Variants in RGL1 observed in about 807,000 individuals in gnomAD.
RGL1 encodes the protein ral guanine nucleotide dissociation stimulator like 1, also known as ral guanine nucleotide dissociation stimulator-like 1.
In RGL1, 24 loss-of-function variants were observed where a neutral mutation model predicts 95.2. The ratio of observed to expected loss-of-function variants is 0.25; its 90% CI spans 0.18 to 0.35. RGL1 has a LOEUF of 0.35. Ranked by LOEUF, RGL1 falls within the 10% of genes least tolerant of loss-of-function variation. The pLI is 1.00. For synonymous variants in RGL1, 329 were observed against 344.9 expected (o/e 0.95, Z 0.51); for missense variants, 715 against 936.3 (o/e 0.76, Z 3.08).
chr1:183,660,856 T>C (rs1346665505), intron 1 of RGL1, among the ~76,000 whole-genome samples: 2 of 152,104 alleles, frequency 1.3e-5, no homozygotes, highest in African/African-American at 4.8e-5. Flanking sequence ...TAACAAACTG[T>C]CTCTCAGACC....
intron 14 of RGL1, among the ~76,000 whole-genome samples, chr1:183,909,891 G>A (rs1668545980): frequency 6.6e-6 from 1 of 152,088 alleles, no homozygotes; most frequent in South Asian, 2.1e-4. Context: ...GTCTGAGAAA[G>A]TCTTTATTTT....
chr1:183,857,073 G>A (rs1345017406), intron 3 of RGL1, among the ~76,000 whole-genome samples: 1 of 152,174 alleles, frequency 6.6e-6, no homozygotes, highest in Non-Finnish European at 1.5e-5. Flanking sequence ...TATAAAATAA[G>A]GAGATTATCT....
chr1:183,695,331 T>G (rs1429869754), intron 1 of RGL1, among the ~76,000 whole-genome samples: 1 of 152,240 alleles, frequency 6.6e-6, no homozygotes, highest in African/African-American at 2.4e-5. Context: ...ATTTTCTAAT[T>G]GGTCTAGTTA....
intron 1 of RGL1, among the ~76,000 whole-genome samples, chr1:183,658,073 T>C (rs1572234710): frequency 6.6e-6 from 1 of 152,174 alleles, no homozygotes; most frequent in Non-Finnish European, 1.5e-5. Context: ...TTTTCGGGGG[T>C]GGAGCCGAGA....
rs144783731 is a variant in RGL1 at position 183,770,937 on chromosome 1, ACTCC to A, written c.132+28658_132+28661del. ...TTCAGTGTTAGAACCACTCATCTCT[ACTCC>A]CTCCCTCCCCTGTGGATGAGGTGGT... On this transcript the variant is annotated intron_variant, in intron 2 of 18. Transcript: ENST00000304685. Among the ~76,000 whole-genome samples the A allele has an allele frequency of 5.9e-5, 9 of 151,604 alleles. No individual in the cohort carries two copies. The East Asian group carries it at 1.7e-3, about 29-fold the overall frequency.
intron 1 of RGL1, among the ~76,000 whole-genome samples, chr1:183,662,606 G>A (rs2102029086): frequency 6.6e-6 from 1 of 152,260 alleles, no homozygotes; most frequent in South Asian, 2.1e-4. Context: ...TGGGTAGGAA[G>A]AATCAATATC....
At chr1:183,700,892 C>G (rs1292804633) in intron 1 of RGL1, among the ~76,000 whole-genome samples, 16 of 152,084 alleles carry the variant, frequency 1.1e-4, no homozygotes, top group Non-Finnish European at 1.5e-5. Context: ...TGTCCTAATG[C>G]TCTCCCTTTC....
chr1:183,776,618 G>A (rs1330341655), intron 2 of RGL1, among the ~76,000 whole-genome samples: 1 of 152,214 alleles, frequency 6.6e-6, no homozygotes, highest in Admixed American at 6.5e-5. Flanking sequence ...GAATGAACAG[G>A]AGTGAGGGAT....
intron 1 of RGL1, among the ~76,000 whole-genome samples, chr1:183,734,459 T>A (rs1656812192): frequency 6.6e-6 from 1 of 152,190 alleles, no homozygotes; most frequent in Non-Finnish European, 1.5e-5. Flanking sequence ...GTATCTGGTG[T>A]AGTAAATATT....
intron 1 of RGL1, among the ~76,000 whole-genome samples, chr1:183,695,467 A>G (rs190573486): frequency 6.6e-6 from 1 of 152,328 alleles, no homozygotes; most frequent in East Asian, 1.9e-4. Context: ...ACCAGGTTTC[A>G]GAGAATTTAT....
chr1:183,850,589 A>T (rs1185737489), intron 3 of RGL1, among the ~76,000 whole-genome samples: 2 of 152,178 alleles, frequency 1.3e-5, no homozygotes, highest in African/African-American at 4.8e-5. Flanking sequence ...CTGGATTATG[A>T]TACTTTGAGC....
At chr1:183,731,709 G>A (rs530023425) in intron 1 of RGL1, among the ~76,000 whole-genome samples, 6 of 152,250 alleles carry the variant, frequency 3.9e-5, no homozygotes, top group Non-Finnish European at 8.8e-5. Context: ...GTGACCTTGG[G>A]CAATTCACTT....
intron 1 of RGL1, among the ~76,000 whole-genome samples, chr1:183,707,115 C>T (rs759926072): frequency 3.3e-5 from 5 of 152,136 alleles, no homozygotes; most frequent in Non-Finnish European, 5.9e-5. Flanking sequence ...ATGGCGGCGT[C>T]CAGGGGCCCT....
In RGL1 at chr1:183,830,915, A is replaced by T. The variant is rs531412206; in HGVS notation, c.139-16651A>T. ...GGAGTTTCGCATGCATTGAATTCAGATTTAAAAATAATATGCAATTTACTT... is the reference window on the plus strand; with the variant it reads ...GGAGTTTCGCATGCATTGAATTCAGTTTTAAAAATAATATGCAATTTACTT... On this transcript the variant is annotated intron_variant, in intron 2 of 17. Transcript: ENST00000360851. Among the ~76,000 whole-genome samples, 10 of 152,286 alleles carry T rather than the reference A, an allele frequency of 6.6e-5. 1 individual carries two copies. In the South Asian group the frequency reaches 2.1e-3, roughly 32 times the overall value.
chr1:183,754,262 G>A (rs1658202021), intron 2 of RGL1, among the ~76,000 whole-genome samples: 2 of 152,106 alleles, frequency 1.3e-5, no homozygotes, highest in South Asian at 4.1e-4. Context: ...TCACATTTTA[G>A]GGTCTCAGTT....
At chr1:183,859,124 C>T (rs1665348428) in intron 3 of RGL1, among the ~76,000 whole-genome samples, 1 of 152,218 alleles carries the variant, frequency 6.6e-6, no homozygotes, top group African/African-American at 2.4e-5. Flanking sequence ...ATTGTAGCCT[C>T]ATCCATTGCA....
At chr1:183,696,377 G>T (rs910775882) in intron 1 of RGL1, among the ~76,000 whole-genome samples, 1 of 152,138 alleles carries the variant, frequency 6.6e-6, no homozygotes, top group African/African-American at 2.4e-5. Flanking sequence ...TGATTCCAGA[G>T]AATATTTTCT....
At chr1:183,861,678 T>C (rs570934884) in intron 3 of RGL1, among the ~76,000 whole-genome samples, 1 of 152,392 alleles carries the variant, frequency 6.6e-6, no homozygotes, top group East Asian at 1.9e-4. Flanking sequence ...AGTTACCATT[T>C]AAAGAAGAGC....
chr1:183,928,354 G>A lies in RGL1; in HGVS notation c.*2062G>A, dbSNP rs2102776292. On this transcript the variant is annotated 3_prime_UTR_variant, in exon 18 of 18. Transcript: ENST00000360851. ...GGAAATTCCAAGTAGCTAAAACTTA[G>A]CTTCATTTATTTAATGCCACTTTAA... 6.6e-6 allele frequency: 1 copy of A among 152,588 alleles called. No individual in the cohort carries two copies. Among genetic ancestry groups the A allele is most frequent in the Admixed American group, 6.5e-5 (1 of 15,276 alleles). The allele number at this position is 152,588 out of a possible 1,614,324, so 9.5% of individuals were successfully genotyped here.
Sources: allele counts gnomAD v4.1 joint callset (sites outside exome capture counted in the v4.1 genomes callset), GRCh38; gene constraint gnomAD v4.1.1; transcripts MANE v1.5; gene names NCBI Gene and HGNC (gene_info 2026-07-23, HGNC 2026-07-21).